The following RUNX2 variants were observed in gnomAD, a reference collection of about 807,000 sequenced individuals.
The protein encoded by RUNX2 is RUNX family transcription factor 2.
Under a neutral mutation model 51.7 loss-of-function variants are expected in RUNX2, and 10 were observed. The ratio of observed to expected loss-of-function variants is 0.19; its 90% CI spans 0.12 to 0.33. RUNX2 has a LOEUF of 0.33. Among genes scored for constraint, RUNX2 ranks in the 10% least tolerant of loss-of-function variants. RUNX2 has a pLI of 1.00. For synonymous variants in RUNX2, 276 were observed against 273.6 expected (o/e 1.01, Z -0.09); for missense variants, 562 against 691.3 (o/e 0.81, Z 2.10).
At chr6:45,438,718 G>C (rs879911988) in intron 5 of RUNX2, among the ~76,000 whole-genome samples, 1 of 152,098 alleles carries the variant, frequency 6.6e-6, no homozygotes. Flanking sequence ...TAATCTACTT[G>C]GGCCAATATG....
At chr6:45,453,551 C>G (rs1403481998) in intron 5 of RUNX2, among the ~76,000 whole-genome samples, 1 of 152,234 alleles carries the variant, frequency 6.6e-6, no homozygotes, top group Non-Finnish European at 1.5e-5. Flanking sequence ...ATAAACCAGT[C>G]TCCCTTTCCT....
intron 2 of RUNX2, among the ~76,000 whole-genome samples, chr6:45,391,760 C>T (rs560916311): frequency 1.1e-4 from 16 of 152,222 alleles, no homozygotes; most frequent in African/African-American, 2.2e-4. Flanking sequence ...CTCACTATCA[C>T]GAGAACAGCA....
chr6:45,500,644 G>A (rs1428018883), intron 6 of RUNX2, among the ~76,000 whole-genome samples: 3 of 152,172 alleles, frequency 2.0e-5, no homozygotes, highest in Non-Finnish European at 1.5e-5. Flanking sequence ...AAAAATGTTT[G>A]GCGCTGTTGC....
intron 3 of RUNX2, among the ~76,000 whole-genome samples, chr6:45,429,419 T>A (rs762739054): frequency 6.6e-6 from 1 of 152,192 alleles, no homozygotes; most frequent in Non-Finnish European, 1.5e-5. Context: ...ATGTTCACAT[T>A]TTTGGCATGG....
intron 5 of RUNX2, among the ~76,000 whole-genome samples, chr6:45,461,710 A>C (rs1799480181): frequency 6.6e-6 from 1 of 152,016 alleles, no homozygotes; most frequent in African/African-American, 2.4e-5. Context: ...AGGGCAGGAA[A>C]TGTGTGGGAG....
intron 7 of RUNX2, among the ~76,000 whole-genome samples, chr6:45,531,710 G>A (rs373260964): frequency 2.0e-5 from 3 of 151,934 alleles, no homozygotes; most frequent in East Asian, 3.9e-4. Context: ...CCGAGATGGC[G>A]CCACTGCACT....
At chr6:45,435,103 C>T (rs1326695483) in intron 4 of RUNX2, among the ~76,000 whole-genome samples, 8 of 152,160 alleles carry the variant, frequency 5.3e-5, no homozygotes, top group Non-Finnish European at 1.2e-4. Context: ...CATAGTTATA[C>T]TTAACTACTT....
intron 5 of RUNX2, among the ~76,000 whole-genome samples, chr6:45,452,289 G>C (rs1285692724): frequency 6.6e-6 from 1 of 152,186 alleles, no homozygotes; most frequent in East Asian, 1.9e-4. Context: ...TTGTCACAGG[G>C]AAGGAAACAG....
intron 7 of RUNX2, among the ~76,000 whole-genome samples, chr6:45,526,652 C>T (rs1291570150): frequency 6.6e-6 from 1 of 152,172 alleles, no homozygotes; most frequent in African/African-American, 2.4e-5. Context: ...TTATTGAGCA[C>T]CGTTCTGCCC....
At chr6:45,420,242 T>C (rs913552129) in intron 2 of RUNX2, among the ~76,000 whole-genome samples, 3 of 152,128 alleles carry the variant, frequency 2.0e-5, no homozygotes, top group Non-Finnish European at 4.4e-5. Flanking sequence ...GCTCATCTTG[T>C]ACTCGAAAGG....
rs552609101 is a variant in RUNX2 at position 45,335,826 on chromosome 6, A to AT, written c.58+7049dup. 3.2e-4 allele frequency among the ~76,000 whole-genome samples: 49 copies of AT among 151,404 alleles called. No homozygotes were observed. The East Asian group carries it at 9.1e-3, about 28-fold the overall frequency. Reference sequence around the variant, plus strand: ...TACAAAAGATAATCTAATAAGATTAATTTTTTTACCTCTCATGAAATCTGT... The same window carrying AT: ...TACAAAAGATAATCTAATAAGATTAATTTTTTTTACCTCTCATGAAATCTGT... On this transcript the variant is annotated intron_variant, in intron 2 of 8. Coordinates refer to ENST00000647337, the MANE Select transcript of RUNX2 (RefSeq NM_001024630.4).
At chr6:45,385,477 G>T (rs1797329597) in intron 2 of RUNX2, among the ~76,000 whole-genome samples, 1 of 152,154 alleles carries the variant, frequency 6.6e-6, no homozygotes, top group Non-Finnish European at 1.5e-5. Flanking sequence ...CTGTTCCTAG[G>T]TTTCACCCAA....
Position 45,519,790 on chromosome 6 carries a change from A to ATGTGTG in RUNX2, c.1021+7425_1021+7430dup, listed in dbSNP as rs35210688. On this transcript the variant is annotated intron_variant, in intron 7 of 8. Coordinates refer to ENST00000647337, the MANE Select transcript of RUNX2 (RefSeq NM_001024630.4). ...AGGATGCTATTATATATATATATAT[A>ATGTGTG]TGTGTGTGTGTGTGTGTGTGTGTGT... 3.7e-3 allele frequency among the ~76,000 whole-genome samples: 453 copies of ATGTGTG among 124,100 alleles called. 2 individuals are homozygous for ATGTGTG. The highest frequency in any genetic ancestry group is 6.1e-3 in the Admixed American group (70 of 11,554). 81.4% of individuals were successfully genotyped at this position (124,100 alleles called of 152,430 possible). A position where few individuals can be genotyped will look rare whatever the true frequency, so the allele number is the denominator to read the frequency against.
At chr6:45,339,617 TAC>T (rs148117257) in intron 2 of RUNX2, among the ~76,000 whole-genome samples, 3,650 of 152,146 alleles carry the variant, frequency 0.024, 146 homozygotes, top group African/African-American at 0.082. Flanking sequence ...AAATAAGAAG[TAC>T]AGAGGATTCC....
intron 2 of RUNX2, among the ~76,000 whole-genome samples, chr6:45,415,805 G>A (rs2150358782): frequency 6.6e-6 from 1 of 152,158 alleles, no homozygotes; most frequent in Admixed American, 6.5e-5. Flanking sequence ...AATGGATCCG[G>A]ATTCATTTTC....
At chr6:45,416,777 G>A (rs146009417) in intron 2 of RUNX2, among the ~76,000 whole-genome samples, 20 of 152,242 alleles carry the variant, frequency 1.3e-4, no homozygotes, top group African/African-American at 4.3e-4. Flanking sequence ...TACCTCTTTA[G>A]TCAGTACCAT....
intron 5 of RUNX2, among the ~76,000 whole-genome samples, chr6:45,441,791 T>A (rs1212933812): frequency 6.6e-6 from 1 of 152,228 alleles, no homozygotes; most frequent in East Asian, 1.9e-4. Context: ...TGATGATAAA[T>A]TTAATTTGTT....
chr6:45,340,379 A>C (rs1013944713), intron 2 of RUNX2, among the ~76,000 whole-genome samples: 1 of 152,134 alleles, frequency 6.6e-6, no homozygotes, highest in Non-Finnish European at 1.5e-5. Context: ...GCTAGAGTGC[A>C]CTGGCATGAT....
chr6:45,383,398 C>T (rs1797282830), intron 2 of RUNX2, among the ~76,000 whole-genome samples: 1 of 152,070 alleles, frequency 6.6e-6, no homozygotes, highest in Non-Finnish European at 1.5e-5. Flanking sequence ...GATAGCGCCA[C>T]CGCACTCCAG....
Sources: gnomAD v4.1 joint callset for allele counts (sites outside exome capture counted in the v4.1 genomes callset) on GRCh38, gnomAD v4.1.1 for gene constraint, MANE v1.5 for transcripts, NCBI Gene and HGNC (gene_info 2026-07-23, HGNC 2026-07-21) for gene names.